SLC22A15: variants seen among roughly 807,000 people sequenced by gnomAD.
SLC22A15 encodes the protein solute carrier family 22 member 15.
SLC22A15 carries 45 observed loss-of-function variants against 62.7 expected under a neutral mutation model. That is an observed-to-expected ratio of 0.72 (90% CI 0.56 to 0.92). The LOEUF (loss-of-function observed/expected upper bound fraction) is 0.92. Among genes scored for constraint, SLC22A15 ranks in the 40% least tolerant of loss-of-function variants. The pLI is 0.00. For synonymous variants in SLC22A15, 264 were observed against 267.0 expected (o/e 0.99, Z 0.11); for missense variants, 622 against 665.6 (o/e 0.93, Z 0.72).
In SLC22A15 at chr1:115,988,011, A is replaced by G. The variant is rs538728273; in HGVS notation, c.88-4020A>G. Among the ~76,000 whole-genome samples, 3 of 152,346 alleles carry G rather than the reference A, an allele frequency of 2.0e-5. No homozygotes were observed. In the East Asian group the frequency reaches 5.8e-4, roughly 29 times the overall value. On this transcript the variant is annotated intron_variant, in intron 1 of 11. Coordinates refer to ENST00000369503, the MANE Select transcript of SLC22A15 (RefSeq NM_018420.3). ...CTCTTAATGGTGTTAATATGAAATT[A>G]CTTTAAAAACCTTCACTTCTTGAAA...
chr1:115,999,605 T>A (rs1435035906), intron 2 of SLC22A15, among the ~76,000 whole-genome samples: 1 of 151,458 alleles, frequency 6.6e-6, no homozygotes. Context: ...CTGGGTTCAA[T>A]TCATTCTCAT....
chr1:116,031,494 A>G lies in SLC22A15; in HGVS notation c.857A>G (p.Asn286Ser). 1.2e-6 allele frequency: 2 copies of G among 1,613,994 alleles called. No homozygotes were observed. Among genetic ancestry groups the G allele is most frequent in the Non-Finnish European group, 1.7e-6 (2 of 1,179,864 alleles). Residue 286 changes from asparagine (N) to serine (S), a missense_variant, in exon 6 of 12, where the codon AAC becomes AGC. By Grantham distance (46) the Asn-to-Ser change is conservative. Transcript: ENST00000369503. Reference protein sequence around the residue: ...KCTFSLTHPANRSCRETGSFL... With the variant: ...KCTFSLTHPASRSCRETGSFL... ...ACGTTCTCACTAACACACCCAGCCA[A>G]CAGGAGCTGCAGGGAGACTGGAAGT...
At chr1:115,995,443 G>T (rs1476506320) in intron 2 of SLC22A15, among the ~76,000 whole-genome samples, 1 of 152,138 alleles carries the variant, frequency 6.6e-6, no homozygotes, top group Non-Finnish European at 1.5e-5. Context: ...TAGAGACAGG[G>T]TTTCACCATG....
intron 8 of SLC22A15, among the ~76,000 whole-genome samples, chr1:116,054,925 A>AGAGG: frequency 2.0e-5 from 3 of 152,174 alleles, no homozygotes; most frequent in African/African-American, 7.2e-5. Context: ...GGAAATTTAT[A>AGAGG]GCACTAAATG....
chr1:116,051,938 T>C (rs1356723528), intron 8 of SLC22A15, among the ~76,000 whole-genome samples: 1 of 152,172 alleles, frequency 6.6e-6, no homozygotes, highest in Non-Finnish European at 1.5e-5. Context: ...GATGGCCGAA[T>C]AGGAACAGCT....
In SLC22A15 at chr1:116,031,417, G is replaced by A. The variant is rs1339848421; in HGVS notation, c.780G>A (p.Glu260=). The part of the protein sequence containing the change: ...RWLYSQGRLS[E]AEEALYLIAK... Reference sequence around the variant, plus strand: ...TATACTCCCAGGGTCGACTGAGTGAGGCTGAAGAGGCGCTGTACCTCATTG... The same window carrying A: ...TATACTCCCAGGGTCGACTGAGTGAAGCTGAAGAGGCGCTGTACCTCATTG... Residue 260 remains glutamate, a synonymous_variant, in exon 6 of 12, where the codon GAG becomes GAA. Coordinates refer to ENST00000369503, the MANE Select transcript of SLC22A15 (RefSeq NM_018420.3). 6.2e-7 allele frequency: 1 copy of A among 1,613,804 alleles called. No homozygotes were observed. Among genetic ancestry groups the A allele is most frequent in the Admixed American group, 1.7e-5 (1 of 60,002 alleles).
chr1:116,012,165 TAGA>T (rs900321019), intron 2 of SLC22A15, among the ~76,000 whole-genome samples: 2 of 152,124 alleles, frequency 1.3e-5, no homozygotes, highest in Non-Finnish European at 2.9e-5. Flanking sequence ...CACTATAAAT[TAGA>T]AGAAGAAATA....
rs1167900761 is a variant in SLC22A15 at position 116,064,370 on chromosome 1, G to GC, written c.1293-60dup. 4.2e-6 allele frequency: 5 copies of GC among 1,184,696 alleles called. No homozygotes were observed. In the African/African-American group the frequency reaches 4.5e-5, roughly 11 times the overall value. The allele number at this position is 1,184,696 out of a possible 1,614,324, so 73.4% of individuals were successfully genotyped here. A position where few individuals can be genotyped will look rare whatever the true frequency, so the allele number is the denominator to read the frequency against. The stretch of plus-strand genomic sequence containing the variant: ...GACATGTTATTCAAGGCCCGCTGCT[G>GC]CCCCCCAAGGGTCTCTTAATTCCTC... On this transcript the variant is annotated intron_variant, in intron 9 of 11. Coordinates refer to ENST00000369503, the MANE Select transcript of SLC22A15 (RefSeq NM_018420.3).
At chr1:116,036,822 T>G (rs1457684447) in intron 7 of SLC22A15, among the ~76,000 whole-genome samples, 1 of 152,194 alleles carries the variant, frequency 6.6e-6, no homozygotes, top group Non-Finnish European at 1.5e-5. Context: ...GTGTGTATTT[T>G]TAAGAGAGAG....
chr1:115,991,824 G>T (rs983118213), intron 1 of SLC22A15, among the ~76,000 whole-genome samples: 1 of 152,212 alleles, frequency 6.6e-6, no homozygotes, highest in Non-Finnish European at 1.5e-5. Context: ...TGTTTTACAA[G>T]TGGGATTGCC....
intron 7 of SLC22A15, among the ~76,000 whole-genome samples, chr1:116,036,320 G>A (rs572181070): frequency 6.6e-6 from 1 of 152,156 alleles, no homozygotes; most frequent in Non-Finnish European, 1.5e-5. Flanking sequence ...GTCCATGGGG[G>A]TATCTTATGT....
At chr1:116,001,498 C>T in intron 2 of SLC22A15, among the ~76,000 whole-genome samples, 1 of 152,174 alleles carries the variant, frequency 6.6e-6, no homozygotes, top group Non-Finnish European at 1.5e-5. Context: ...TTTTCTAGAT[C>T]CTGTAGGCAT....
chr1:115,986,860 G>T (rs973926713), intron 1 of SLC22A15, among the ~76,000 whole-genome samples: 1 of 152,174 alleles, frequency 6.6e-6, no homozygotes, highest in Admixed American at 6.5e-5. Flanking sequence ...TACCATTAGC[G>T]TCTGGTCTTA....
chr1:116,029,341 A>G (rs1657279045), intron 5 of SLC22A15, among the ~76,000 whole-genome samples: 1 of 152,140 alleles, frequency 6.6e-6, no homozygotes, highest in Non-Finnish European at 1.5e-5. Flanking sequence ...CTTTAATGAT[A>G]TTCATGGAGC....
intron 8 of SLC22A15, among the ~76,000 whole-genome samples, chr1:116,053,211 G>T (rs930708132): frequency 1.3e-5 from 2 of 152,212 alleles, no homozygotes; most frequent in African/African-American, 2.4e-5. Context: ...GTGCTTAAAG[G>T]AGCTGATGGA....
At chr1:116,012,472 GATA>G (rs1199181829) in intron 2 of SLC22A15, among the ~76,000 whole-genome samples, 1 of 152,192 alleles carries the variant, frequency 6.6e-6, no homozygotes, top group Non-Finnish European at 1.5e-5. Flanking sequence ...AGTAGGGAAG[GATA>G]ATAATAACAG....
rs771568351 is a variant in SLC22A15 at position 116,020,771 on chromosome 1, T to A, written c.484T>A (p.Tyr162Asn). The change falls in exon 4 of 12, where the codon TAT becomes AAT. Residue 162 changes from tyrosine (Y) to asparagine (N), a missense_variant. Coordinates refer to ENST00000369503, the MANE Select transcript of SLC22A15 (RefSeq NM_018420.3). Reference sequence around the variant, plus strand: ...AATTGCAAATGGATTTTCCCCCTCATATGAGTTCTTTGCAGTAACTCGCTT... The same window carrying A: ...AATTGCAAATGGATTTTCCCCCTCAAATGAGTTCTTTGCAGTAACTCGCTT... Reference protein sequence around the residue: ...FAIANGFSPSYEFFAVTRFLV... With the variant: ...FAIANGFSPSNEFFAVTRFLV... 1 of 1,613,936 alleles carries A rather than the reference T, an allele frequency of 6.2e-7. No homozygotes were observed. Among genetic ancestry groups the A allele is most frequent in the Non-Finnish European group, 8.5e-7 (1 of 1,179,818 alleles).
In SLC22A15 at chr1:116,059,915, G is replaced by T. The variant is rs544240836; in HGVS notation, c.1172-2847G>T. 2.6e-5 allele frequency among the ~76,000 whole-genome samples: 4 copies of T among 152,308 alleles called. No homozygotes were observed. The South Asian group carries it at 8.3e-4, about 32-fold the overall frequency. On this transcript the variant is annotated intron_variant, in intron 8 of 11. Transcript: ENST00000369503. ...TGATGTCTGTAGTAGTCGCATCATTGGAATAAATGTATAACCTCCTTGAGT... is the reference window on the plus strand; with the variant it reads ...TGATGTCTGTAGTAGTCGCATCATTTGAATAAATGTATAACCTCCTTGAGT...
chr1:116,066,658 C>A lies in SLC22A15; in HGVS notation c.1504C>A (p.Arg502Ser), dbSNP rs767735362. The A allele has an allele frequency of 6.8e-6, 11 of 1,612,714 alleles. No homozygotes were observed. The highest frequency in any genetic ancestry group is 1.7e-5 in the Admixed American group (1 of 59,828). ...CTCCGACCTTCAGGTGTATTCGTATCGCAGGCTGGGAGAAGAAGCATTATC... is the reference window on the plus strand; with the variant it reads ...CTCCGACCTTCAGGTGTATTCGTATAGCAGGCTGGGAGAAGAAGCATTATC... The part of the protein sequence containing the change: ...TFSDLQVYSY[R>S]RLGEEALSLQ... The change falls in exon 11 of 12, where the codon CGC becomes AGC. Residue 502 changes from arginine to serine, a missense_variant. By Grantham distance (110) the Arg-to-Ser change is moderately radical. Transcript: ENST00000369503.
Sources: gnomAD v4.1 joint callset for allele counts (sites outside exome capture counted in the v4.1 genomes callset) on GRCh38, gnomAD v4.1.1 for gene constraint, MANE v1.5 for transcripts, NCBI Gene and HGNC (gene_info 2026-07-23, HGNC 2026-07-21) for gene names.